Variants in ZNF704 observed in about 807,000 individuals in gnomAD.
The protein encoded by ZNF704 is zinc finger protein 704, also known as glucocorticoid induced gene 1.
A neutral mutation model predicts 44.7 loss-of-function variants in ZNF704; 10 were observed. That is an observed-to-expected ratio of 0.22 (90% CI 0.14 to 0.38). ZNF704 has a LOEUF of 0.38. ZNF704 is among the 10% of genes least tolerant of loss of function. The pLI is 1.00. For synonymous variants in ZNF704, 211 were observed against 207.6 expected, an observed-to-expected ratio of 1.02 and a Z score of -0.14; for missense variants, 390 against 545.5, an observed-to-expected ratio of 0.71 and a Z score of 2.84.
At chr8:80,649,514 T>C (rs1310698757) in intron 7 of ZNF704, among the ~76,000 whole-genome samples, 1 of 152,174 alleles carries the variant, frequency 6.6e-6, no homozygotes, top group Non-Finnish European at 1.5e-5. Flanking sequence ...ACCAGGAGAT[T>C]ATATCCTGCA....
chr8:80,649,347 G>A (rs577139749), intron 7 of ZNF704, among the ~76,000 whole-genome samples: 1 of 152,322 alleles, frequency 6.6e-6, no homozygotes, highest in African/African-American at 2.4e-5. Flanking sequence ...CACCGAGTGT[G>A]AGCCGAAGCA....
intron 1 of ZNF704, among the ~76,000 whole-genome samples, chr8:80,836,828 A>G (rs945591398): frequency 1.3e-5 from 2 of 152,192 alleles, no homozygotes; most frequent in South Asian, 4.1e-4. Context: ...ATCTTTCTAC[A>G]GCACTATAGT....
rs906028140 is a variant in ZNF704 at position 80,827,336 on chromosome 8, A to G, written c.-21-5721T>C. ...CCCATTCACAATTACTTCAAAGAGA[A>G]TAAAATATCTAGGAATCCAACTTAC... On this transcript the variant is annotated intron_variant, in intron 1 of 8. Transcript: ENST00000327835. 1.7e-4 allele frequency among the ~76,000 whole-genome samples: 26 copies of G among 152,208 alleles called. 1 individual carries two copies. The highest frequency in any genetic ancestry group is 1.7e-3 in the Admixed American group (26 of 15,280).
At chr8:80,761,913 T>C (rs1242883553) in intron 2 of ZNF704, among the ~76,000 whole-genome samples, 11 of 152,232 alleles carry the variant, frequency 7.2e-5, no homozygotes, top group Non-Finnish European at 2.9e-5. Flanking sequence ...TGAGATCTGT[T>C]AATAAACTTC....
chr8:80,868,390 T>C (rs563822826), intron 1 of ZNF704, among the ~76,000 whole-genome samples: 1 of 152,360 alleles, frequency 6.6e-6, no homozygotes, highest in African/African-American at 2.4e-5. Context: ...AGCTACTTAG[T>C]AGCATCTATC....
At chr8:80,687,033 G>GT (rs1332292489) in intron 4 of ZNF704, among the ~76,000 whole-genome samples, 193 bp downstream of exon 4, 5 of 152,164 alleles carry the variant, frequency 3.3e-5, no homozygotes, top group Non-Finnish European at 7.3e-5. Flanking sequence ...AAACTTACCA[G>GT]TATTTGTCAT....
At chr8:80,762,405 A>G (rs114810535) in intron 2 of ZNF704, among the ~76,000 whole-genome samples, 2,540 of 152,280 alleles carry the variant, frequency 0.017, 74 homozygotes, top group African/African-American at 0.058. Flanking sequence ...GGTGAAGGGG[A>G]AGTAAGGACC....
At chr8:80,659,487 ATGTT>A in intron 7 of ZNF704, 94 bp downstream of exon 7, 1 of 910,808 alleles carries the variant, frequency 1.1e-6, no homozygotes, top group Non-Finnish European at 1.8e-6. Flanking sequence ...TGGCATTCTG[ATGTT>A]TGTATTTTTC....
chr8:80,780,513 G>T (rs952750365), intron 2 of ZNF704, among the ~76,000 whole-genome samples: 10 of 152,032 alleles, frequency 6.6e-5, no homozygotes, highest in Admixed American at 2.0e-4. Flanking sequence ...GGCCTTATTT[G>T]GAAAAGAGGT....
At chr8:80,743,209 A>C (rs947153581) in intron 2 of ZNF704, among the ~76,000 whole-genome samples, 9 of 151,252 alleles carry the variant, frequency 6.0e-5, no homozygotes, top group South Asian at 2.1e-4. Context: ...AAAAAAAAAA[A>C]AAAAAAATCT....
At chr8:80,677,703 T>C (rs1287632884) in intron 4 of ZNF704, among the ~76,000 whole-genome samples, 2 of 152,224 alleles carry the variant, frequency 1.3e-5, no homozygotes, top group Non-Finnish European at 2.9e-5. Flanking sequence ...GGATAGACTA[T>C]ATTCTATCCC....
At chr8:80,725,322 T>G (rs935464420) in intron 2 of ZNF704, among the ~76,000 whole-genome samples, 19 of 152,148 alleles carry the variant, frequency 1.2e-4, no homozygotes, top group African/African-American at 4.3e-4. Context: ...ACAAACAAAA[T>G]TTTTGTATAA....
chr8:80,800,483 C>A (rs975940646), intron 2 of ZNF704, among the ~76,000 whole-genome samples: 1 of 152,102 alleles, frequency 6.6e-6, no homozygotes, highest in Admixed American at 6.5e-5. Flanking sequence ...ACCGTACAAG[C>A]CAGAAGAACT....
intron 1 of ZNF704, among the ~76,000 whole-genome samples, chr8:80,860,905 G>T (rs1046945562): frequency 1.3e-5 from 2 of 152,182 alleles, no homozygotes; most frequent in African/African-American, 4.8e-5. Context: ...TATGGACCAG[G>T]TCTGTTTACT....
intron 2 of ZNF704, among the ~76,000 whole-genome samples, chr8:80,768,509 T>G (rs1039915872): frequency 3.9e-5 from 6 of 152,192 alleles, no homozygotes; most frequent in African/African-American, 1.4e-4. Context: ...CTTCTCTAGG[T>G]GAAGGCCATG....
chr8:80,827,981 C>G (rs1464580225), intron 1 of ZNF704, among the ~76,000 whole-genome samples: 1 of 152,110 alleles, frequency 6.6e-6, no homozygotes, highest in East Asian at 1.9e-4. Flanking sequence ...AGAAGAAAAC[C>G]TAGGCAATAC....
chr8:80,682,701 C>T (rs1585949288), intron 4 of ZNF704, among the ~76,000 whole-genome samples: 1 of 152,368 alleles, frequency 6.6e-6, no homozygotes, highest in African/African-American at 2.4e-5. Context: ...CTCAAATTCC[C>T]CATTCAGGCA....
In ZNF704 at chr8:80,634,075, T is replaced by C. The variant is rs1194996578; in HGVS notation, c.*7291A>G. 1 of 152,142 alleles carries C rather than the reference T, an allele frequency of 6.6e-6. No homozygotes were observed. Among genetic ancestry groups the C allele is most frequent in the Non-Finnish European group, 1.5e-5 (1 of 68,060 alleles). The allele number at this position is 152,142 out of a possible 1,614,324, so 9.4% of individuals were successfully genotyped here. A position where few individuals can be genotyped will look rare whatever the true frequency, so the allele number is the denominator to read the frequency against. On this transcript the variant is annotated 3_prime_UTR_variant, in exon 9 of 9. Transcript: ENST00000327835. ...AGGCCGGATGGAGAGGGAAGGAGTG[T>C]GGGGAGGCTGGCCAAGGGCTTTGGC...
At chr8:80,861,489 G>A (rs1476942065) in intron 1 of ZNF704, among the ~76,000 whole-genome samples, 15 of 152,106 alleles carry the variant, frequency 9.9e-5, no homozygotes, top group Non-Finnish European at 2.9e-5. Flanking sequence ...TGACACAAGT[G>A]TTCCAAAATT....
Sources: gnomAD v4.1 joint callset for allele counts (sites outside exome capture counted in the v4.1 genomes callset) on GRCh38, gnomAD v4.1.1 for gene constraint, MANE v1.5 for transcripts, NCBI Gene and HGNC (gene_info 2026-07-23, HGNC 2026-07-21) for gene names.